The following SEMA3D variants were observed in gnomAD, a reference collection of about 807,000 sequenced individuals.
SEMA3D encodes semaphorin 3D, also known as semaphorin-3D.
Under a neutral mutation model 100.1 loss-of-function variants are expected in SEMA3D, and 84 were observed. The ratio of observed to expected loss-of-function variants is 0.84; its 90% CI spans 0.70 to 1.01. SEMA3D has a LOEUF of 1.01. Ranked by LOEUF, SEMA3D falls within the 50% of genes least tolerant of loss-of-function variation. The probability of loss-of-function intolerance (pLI) is 0.00; values close to 1 mark genes in which losing one functional copy is unlikely to be tolerated. For synonymous variants in SEMA3D, 312 were observed against 320.7 expected, an observed-to-expected ratio of 0.97 and a Z score of 0.29; for missense variants, 875 against 934.1, an observed-to-expected ratio of 0.94 and a Z score of 0.82.
chr7:85,039,640 A>T (rs1232054441), intron 11 of SEMA3D, among the ~76,000 whole-genome samples: 1 of 152,182 alleles, frequency 6.6e-6, no homozygotes, highest in Non-Finnish European at 1.5e-5. Flanking sequence ...AGACAGAAAT[A>T]CAGGAGTAGA....
chr7:85,209,719 G>A, the SEMA3D span, among the ~76,000 whole-genome samples: 99,492 of 151,918 alleles, frequency 0.65, 33,189 homozygotes, highest in East Asian at 0.92. Flanking sequence ...AAGCTGTCCA[G>A]TGCAATACAT....
At chr7:85,137,115 T>G (rs76866682) in intron 2 of SEMA3D, among the ~76,000 whole-genome samples, 2,119 of 152,166 alleles carry the variant, frequency 0.014, 53 homozygotes, top group African/African-American at 0.048. Flanking sequence ...TCAGTTTTAC[T>G]TTTTCAGGGA....
chr7:85,175,633 A>G (rs998285145), intron 1 of SEMA3D, among the ~76,000 whole-genome samples: 8 of 152,168 alleles, frequency 5.3e-5, no homozygotes, highest in African/African-American at 1.7e-4. Flanking sequence ...AAAATCTACT[A>G]CTATAATTTC....
intron 1 of SEMA3D, chr7:85,181,642 C>G (rs912834008): frequency 5.0e-6 from 1 of 198,034 alleles, no homozygotes; most frequent in Non-Finnish European, 9.1e-6. Context: ...ACTCTCTACT[C>G]CTGAAGTGTG....
At chr7:85,153,045 C>G (rs959053518) in intron 2 of SEMA3D, among the ~76,000 whole-genome samples, 2 of 152,140 alleles carry the variant, frequency 1.3e-5, no homozygotes, top group Admixed American at 6.6e-5. Context: ...CCTTGATACA[C>G]ACCAAAGATT....
intron 1 of SEMA3D, among the ~76,000 whole-genome samples, chr7:85,166,310 G>C (rs1265476887): frequency 6.6e-6 from 1 of 151,684 alleles, no homozygotes; most frequent in African/African-American, 2.4e-5. Context: ...ACTTGGTTAG[G>C]GCTTATGATA....
At chr7:85,027,733 G>C in intron 12 of SEMA3D, 1 of 325,302 alleles carries the variant, frequency 3.1e-6, no homozygotes, top group Non-Finnish European at 5.9e-6. Flanking sequence ...CAACATAAAA[G>C]GAATATTAAA....
intron 1 of SEMA3D, among the ~76,000 whole-genome samples, chr7:85,155,424 C>T (rs1237859731): frequency 6.6e-6 from 1 of 152,044 alleles, no homozygotes; most frequent in Non-Finnish European, 1.5e-5. Context: ...GTTTTAATCT[C>T]CCTGATGGGT....
chr7:85,113,596 C>T (rs1459655028), intron 3 of SEMA3D, among the ~76,000 whole-genome samples: 2 of 103,566 alleles, frequency 1.9e-5, no homozygotes, highest in Non-Finnish European at 4.1e-5. Flanking sequence ...CATGGTAAAA[C>T]GCCATCTCTA....
At chr7:85,028,163 G>C in intron 12 of SEMA3D, 1 of 637,272 alleles carries the variant, frequency 1.6e-6, no homozygotes. Flanking sequence ...GAGACAAAAA[G>C]CTGCTACCCA....
chr7:85,235,244 A>G, the SEMA3D span, among the ~76,000 whole-genome samples: 1 of 152,200 alleles, frequency 6.6e-6, no homozygotes, highest in Admixed American at 6.5e-5. Context: ...TTTCTCTTCC[A>G]AATTTTCTTA....
intron 2 of SEMA3D, among the ~76,000 whole-genome samples, chr7:85,124,189 A>G (rs1035731276): frequency 6.6e-6 from 1 of 152,088 alleles, no homozygotes; most frequent in African/African-American, 2.4e-5. Context: ...TGAGTTTTGA[A>G]TCATTCAATC....
chr7:85,022,306 C>T, intron 13 of SEMA3D, 85 bp downstream of exon 13: 2 of 871,704 alleles, frequency 2.3e-6, no homozygotes, highest in Non-Finnish European at 3.8e-6. Flanking sequence ...TTATTTTGAC[C>T]AATAAATATT....
rs1442989390 is a variant in SEMA3D at position 85,143,503 on chromosome 7, T to C, written c.-41+10105A>G. Among the ~76,000 whole-genome samples the C allele has an allele frequency of 8.5e-5, 13 of 152,242 alleles. No homozygotes were observed. In the East Asian group the frequency reaches 2.1e-3, roughly 25 times the overall value. On this transcript the variant is annotated intron_variant, in intron 2 of 18. Transcript: ENST00000284136. ...TTACTGTACTGAACACTATAACCAA[T>C]TGTTACACAATGGGAAGTATTTATG... is the stretch of plus-strand genomic sequence containing the variant.
intron 2 of SEMA3D, among the ~76,000 whole-genome samples, chr7:85,147,185 C>T (rs977780446): frequency 1.3e-5 from 2 of 148,620 alleles, no homozygotes; most frequent in Non-Finnish European, 1.5e-5. Flanking sequence ...TCACCGCAAC[C>T]TCTGCCTCCC....
At chr7:85,232,116 T>C in the SEMA3D span, among the ~76,000 whole-genome samples, 2 of 152,142 alleles carry the variant, frequency 1.3e-5, no homozygotes, top group African/African-American at 4.8e-5. Flanking sequence ...GAGTGTTGGC[T>C]ACGAAAAATG....
At chr7:85,161,808 G>T (rs1410040482) in intron 1 of SEMA3D, among the ~76,000 whole-genome samples, 2 of 152,090 alleles carry the variant, frequency 1.3e-5, no homozygotes, top group Middle Eastern at 3.2e-3. Context: ...AGCAAAACAG[G>T]TATGTCATCC....
At chr7:85,201,256 C>G in the SEMA3D span, among the ~76,000 whole-genome samples, 1 of 152,136 alleles carries the variant, frequency 6.6e-6, no homozygotes, top group African/African-American at 2.4e-5. Flanking sequence ...AGGAATGCCT[C>G]CTCCCTAGAA....
rs144419035 is a variant in SEMA3D at position 85,091,078 on chromosome 7, AAGAG to A, written c.312+6723_312+6726del. The stretch of plus-strand genomic sequence containing the variant: ...GGAAGGAAGGAAGGAGAGAAAGAGA[AAGAG>A]AGAGAAAGAGAGAGGGAGAGAGGGA... On this transcript the variant is annotated intron_variant, in intron 4 of 18. Coordinates refer to ENST00000284136, the MANE Select transcript of SEMA3D (RefSeq NM_001384900.1). Among the ~76,000 whole-genome samples, 364 of 146,592 alleles carry A rather than the reference AAGAG, an allele frequency of 2.5e-3. 3 individuals carry two copies. The highest frequency in any genetic ancestry group is 1.3e-3 in the Non-Finnish European group (88 of 66,534).
Sources: gnomAD v4.1 joint callset for allele counts (sites outside exome capture counted in the v4.1 genomes callset) on GRCh38, gnomAD v4.1.1 for gene constraint, MANE v1.5 for transcripts, NCBI Gene and HGNC (gene_info 2026-07-23, HGNC 2026-07-21) for gene names.